Variants in CNTNAP4 observed in about 807,000 individuals in gnomAD.
CNTNAP4 encodes contactin associated protein family member 4.
CNTNAP4 carries 98 observed loss-of-function variants against 148.4 expected under a neutral mutation model. The observed-to-expected ratio is 0.66, with a 90% confidence interval of 0.56 to 0.78. The LOEUF (loss-of-function observed/expected upper bound fraction) is 0.78. CNTNAP4 is among the 30% of genes least tolerant of loss of function. The pLI, the probability that CNTNAP4 is intolerant of heterozygous loss-of-function variation, is 0.00. For synonymous variants in CNTNAP4, 730 were observed against 565.1 expected (o/e 1.29, Z -4.14); for missense variants, 1,935 against 1,565.6 (o/e 1.24, Z -3.98).
rs35495395 is a variant in CNTNAP4 at position 76,343,750 on chromosome 16, T to TG, written c.197-11567dup. On this transcript the variant is annotated intron_variant, in intron 2 of 23. Coordinates refer to ENST00000611870, the MANE Select transcript of CNTNAP4 (RefSeq NM_033401.5). ...ATATGTTGAAACTTCATTTTTTTTT[T>TG]GTCTGATGAGGTAAAGAAATCATTT... Among the ~76,000 whole-genome samples, 1,097 of 152,022 alleles carry TG rather than the reference T, an allele frequency of 7.2e-3. 7 individuals carry two copies. The highest frequency in any genetic ancestry group is 0.011 in the Non-Finnish European group (755 of 67,974).
At chr16:76,463,618 C>T (rs986416031) in intron 9 of CNTNAP4, among the ~76,000 whole-genome samples, 4 of 152,092 alleles carry the variant, frequency 2.6e-5, no homozygotes, top group African/African-American at 4.8e-5. Context: ...CCTGCACACC[C>T]GACATCCAGT....
At chr16:76,473,945 G>A (rs1219965289) in intron 10 of CNTNAP4, among the ~76,000 whole-genome samples, 4 of 151,744 alleles carry the variant, frequency 2.6e-5, no homozygotes, top group African/African-American at 7.3e-5. Context: ...ATCCTAACAG[G>A]TATCAATAAT....
At chr16:76,285,348 T>A (rs1421663187) in intron 1 of CNTNAP4, among the ~76,000 whole-genome samples, 1 of 152,072 alleles carries the variant, frequency 6.6e-6, no homozygotes, top group Non-Finnish European at 1.5e-5. Context: ...TTTTAAGTAG[T>A]TCAAAATTAG....
At chr16:76,396,270 G>A (rs1381263861) in intron 3 of CNTNAP4, among the ~76,000 whole-genome samples, 5 of 152,192 alleles carry the variant, frequency 3.3e-5, no homozygotes, top group Non-Finnish European at 5.9e-5. Flanking sequence ...AACAGCAAAT[G>A]TATTGATTGC....
In CNTNAP4 at chr16:76,537,735, C is replaced by A. The variant is rs114704803; in HGVS notation, c.2996-381C>A. Among the ~76,000 whole-genome samples, 549 of 152,012 alleles carry A rather than the reference C, an allele frequency of 3.6e-3. 2 individuals carry two copies. The highest frequency in any genetic ancestry group is 0.013 in the African/African-American group (528 of 41,478). ...CCTAACTATTTTGTAGATAGGAGGC[C>A]CTAGACTTCCTTTAAGATACACTTC... On this transcript the variant is annotated intron_variant, in intron 18 of 23. Transcript: ENST00000611870.
At chr16:76,448,712 T>TC in intron 5 of CNTNAP4, 55 bp from the exon 6 acceptor site, 1 of 1,359,958 alleles carries the variant, frequency 7.4e-7, no homozygotes, top group East Asian at 2.6e-5. Flanking sequence ...GGGAACCTTT[T>TC]TTTTTTTTCT....
At position 76,495,222 on chromosome 16, in the gene CNTNAP4, C is replaced by A. The variant is rs562424685; in HGVS notation, c.2237+156C>A. On this transcript the variant is annotated intron_variant, in intron 14 of 23. Coordinates refer to ENST00000611870, the MANE Select transcript of CNTNAP4 (RefSeq NM_033401.5). ...TGAAACGTGGTGTAGTCAATATAAT[C>A]GTTAGTATTAAGTCAATGCCTTTTT... is the stretch of plus-strand genomic sequence containing the variant. 12 of 743,094 alleles carry A rather than the reference C, an allele frequency of 1.6e-5. No individual in the cohort carries two copies. The South Asian group carries it at 2.0e-4, about 13-fold the overall frequency. 46.0% of individuals were successfully genotyped at this position (743,094 alleles called of 1,614,324 possible).
rs764371566 is a variant in CNTNAP4 at position 76,355,527 on chromosome 16, A to G, written c.390+16A>G. The G allele has an allele frequency of 1.3e-6, 2 of 1,570,800 alleles. No homozygotes were observed. Among genetic ancestry groups the G allele is most frequent in the Admixed American group, 3.7e-5 (2 of 53,426 alleles). ...CAGCATCTGGGTATGTTCTTTAACAAAAGACATAGTCTCTCGGGGAAAAAG... is the reference window on the plus strand; with the variant it reads ...CAGCATCTGGGTATGTTCTTTAACAGAAGACATAGTCTCTCGGGGAAAAAG... On this transcript the variant is annotated intron_variant, in intron 3 of 23. Transcript: ENST00000611870.
rs952041030 is a variant in CNTNAP4, at chr16:76,323,924, C to CT, written c.196+7408dup. Among the ~76,000 whole-genome samples, 96 of 152,260 alleles carry CT rather than the reference C, an allele frequency of 6.3e-4. 1 individual carries two copies. The highest frequency in any genetic ancestry group is 2.2e-3 in the African/African-American group (92 of 41,530). ...GCCTTAAGGAAATGACATTACCTCTCTTTTTTTACCCCCTGGGTAGAGGAT... is the reference window on the plus strand; with the variant it reads ...GCCTTAAGGAAATGACATTACCTCTCTTTTTTTTACCCCCTGGGTAGAGGAT... On this transcript the variant is annotated intron_variant, in intron 2 of 23. Coordinates refer to ENST00000611870, the MANE Select transcript of CNTNAP4 (RefSeq NM_033401.5).
At chr16:76,482,196 G>T (rs2081859047) in intron 12 of CNTNAP4, among the ~76,000 whole-genome samples, 1 of 151,880 alleles carries the variant, frequency 6.6e-6, no homozygotes, top group Non-Finnish European at 1.5e-5. Flanking sequence ...TAATTGTATT[G>T]GGAGACCATT....
In CNTNAP4 at chr16:76,391,877, C is replaced by A. The variant is rs192957286; in HGVS notation, c.391-35575C>A. Among the ~76,000 whole-genome samples the A allele has an allele frequency of 2.6e-5, 4 of 152,314 alleles. No homozygotes were observed. In the East Asian group the frequency reaches 7.7e-4, roughly 29 times the overall value. On this transcript the variant is annotated intron_variant, in intron 3 of 23. Coordinates refer to ENST00000611870, the MANE Select transcript of CNTNAP4 (RefSeq NM_033401.5). Reference sequence around the variant, plus strand: ...TTTAATACGATCCCTGGGTAATTCACGTGCACACCCAAGTTTGAATTGCTC... The same window carrying A: ...TTTAATACGATCCCTGGGTAATTCAAGTGCACACCCAAGTTTGAATTGCTC...
intron 3 of CNTNAP4, among the ~76,000 whole-genome samples, chr16:76,394,702 C>G (rs550459529): frequency 6.6e-6 from 1 of 152,086 alleles, no homozygotes; most frequent in African/African-American, 2.4e-5. Flanking sequence ...ATTTTGATAC[C>G]TACTTAAATG....
chr16:76,464,614 T>A (rs1288593593), intron 9 of CNTNAP4, among the ~76,000 whole-genome samples: 1 of 152,190 alleles, frequency 6.6e-6, no homozygotes, highest in Non-Finnish European at 1.5e-5. Context: ...TCAGTTCTCC[T>A]TCTCTCTAAA....
intron 18 of CNTNAP4, among the ~76,000 whole-genome samples, chr16:76,537,016 G>C (rs370499395): frequency 6.6e-6 from 1 of 152,196 alleles, no homozygotes; most frequent in East Asian, 1.9e-4. Context: ...CAAGTCATCT[G>C]CTTTTCTCAG....
Position 76,535,562 on chromosome 16 carries a change from C to T in CNTNAP4, c.2773C>T (p.Gln925Ter), listed in dbSNP as rs780391869. ...CCTTTTAGGTGGAACGGCCACCAGACAGAGAGGCTTTCTGGGCTGCATTCG... is the reference window on the plus strand; with the variant it reads ...CCTTTTAGGTGGAACGGCCACCAGATAGAGAGGCTTTCTGGGCTGCATTCG... ...QLFVGGTATR[Q>*]RGFLGCIRSL... Residue 925 changes from glutamine (Q) to a stop codon, truncating the protein, a stop_gained, in exon 18 of 24, where the codon CAG (glutamine) becomes TAG (stop). Transcript: ENST00000611870. LOFTEE classifies it high-confidence loss of function. 4.3e-6 allele frequency: 7 copies of T among 1,612,188 alleles called. No homozygotes were observed. The South Asian group carries it at 7.7e-5, about 18-fold the overall frequency.
chr16:76,450,360 G>A (rs1018616745), intron 7 of CNTNAP4, among the ~76,000 whole-genome samples: 2 of 152,134 alleles, frequency 1.3e-5, no homozygotes, highest in African/African-American at 2.4e-5. Context: ...ATGTTAGCCA[G>A]GCTGATCTTG....
At chr16:76,484,891 A>T (rs1597698149) in intron 12 of CNTNAP4, among the ~76,000 whole-genome samples, 1 of 152,324 alleles carries the variant, frequency 6.6e-6, no homozygotes, top group Non-Finnish European at 1.5e-5. Flanking sequence ...TAAAAAATCC[A>T]GTTTTTAGTC....
intron 17 of CNTNAP4, among the ~76,000 whole-genome samples, chr16:76,533,786 C>T (rs543965153): frequency 2.0e-5 from 3 of 152,254 alleles, no homozygotes; most frequent in African/African-American, 7.2e-5. Context: ...ACCATGCCCA[C>T]TTGTGACAAT....
intron 3 of CNTNAP4, among the ~76,000 whole-genome samples, chr16:76,415,256 C>T (rs796885587): frequency 6.6e-5 from 10 of 151,338 alleles, no homozygotes; most frequent in African/African-American, 2.4e-4. Context: ...CTTCTTACTA[C>T]TTCCCTGCTT....
Sources: allele counts gnomAD v4.1 joint callset (sites outside exome capture counted in the v4.1 genomes callset), GRCh38; gene constraint gnomAD v4.1.1; transcripts MANE v1.5; gene names NCBI Gene and HGNC (gene_info 2026-07-23, HGNC 2026-07-21).